The following ZNF557 variants were observed in gnomAD, a reference collection of about 807,000 sequenced individuals.
The protein encoded by ZNF557 is CTB-25J19.9.
In ZNF557, 19 loss-of-function variants were observed where a neutral mutation model predicts 21.2. The ratio of observed to expected loss-of-function variants is 0.90; its 90% CI spans 0.63 to 1.32. The LOEUF is 1.32. Among genes scored for constraint, ZNF557 ranks in the 40% most tolerant of loss-of-function variants. ZNF557 has a pLI of 0.00. For missense variants in ZNF557, 487 were observed against 519.8 expected, an observed-to-expected ratio of 0.94 and a Z score of 0.61; for synonymous variants, 207 against 194.8, an observed-to-expected ratio of 1.06 and a Z score of -0.52.
chr19:7,075,249 G>A (rs748954859), intron 3 of ZNF557, 144 bp downstream of exon 3: 18 of 1,156,094 alleles, frequency 1.6e-5, no homozygotes, highest in East Asian at 1.2e-4. Flanking sequence ...CTGATCGGGC[G>A]GCTCTTGGGA....
At chr19:7,078,381 C>G (rs1977626562) in intron 5 of ZNF557, among the ~76,000 whole-genome samples, 1 of 150,320 alleles carries the variant, frequency 6.7e-6, no homozygotes. Context: ...GATGTGTAGA[C>G]TTGTAATTTT....
At chr19:7,069,958 G>A (rs1432979918) in intron 1 of ZNF557, among the ~76,000 whole-genome samples, 185 bp downstream of exon 1, 1 of 152,232 alleles carries the variant, frequency 6.6e-6, no homozygotes, top group Non-Finnish European at 1.5e-5. Context: ...CCCTCACCCG[G>A]GGCGATTCTG....
chr19:7,071,973 G>A (rs753812376), intron 2 of ZNF557, among the ~76,000 whole-genome samples: 6 of 151,218 alleles, frequency 4.0e-5, no homozygotes, highest in African/African-American at 7.3e-5. Flanking sequence ...AAGATTACCC[G>A]GGCGTGGTGG....
rs199839153 is a variant in ZNF557, at chr19:7,075,104, C to T, written c.30C>T (p.Ala10=). The change falls in exon 3 of 8, where the codon GCC becomes GCT. Residue 10 remains alanine (A), a splice_region_variant and synonymous_variant. Transcript: ENST00000252840. The part of the protein sequence containing the change: MAAVVLPPT[A]ALSSLFPASQ... ...CGGCTGTCGTCCTGCCCCCAACTGCCGGTGAGTCATGGGGTCCTGGCAGTT... is the reference window on the plus strand; with the variant it reads ...CGGCTGTCGTCCTGCCCCCAACTGCTGGTGAGTCATGGGGTCCTGGCAGTT... 4.8e-4 allele frequency: 767 copies of T among 1,614,052 alleles called. 1 individual carries two copies. The highest frequency in any genetic ancestry group is 3.3e-4 in the Middle Eastern group (2 of 6,062).
chr19:7,080,716 T>G (rs1275291024), intron 5 of ZNF557, among the ~76,000 whole-genome samples: 1 of 152,110 alleles, frequency 6.6e-6, no homozygotes, highest in African/African-American at 2.4e-5. Flanking sequence ...GTCACAAATC[T>G]CTCTTACCCA....
At position 7,084,043 on chromosome 19, in the gene ZNF557, A is replaced by G. The variant is rs1977781014; in HGVS notation, c.*299A>G. Reference sequence around the variant, plus strand: ...CACTTCCAAATGGCTTACAAGCCCGACAAGTGCATGCTAGCTGTTTCCAAG... The same window carrying G: ...CACTTCCAAATGGCTTACAAGCCCGGCAAGTGCATGCTAGCTGTTTCCAAG... On this transcript the variant is annotated 3_prime_UTR_variant, in exon 8 of 8. Transcript: ENST00000252840. 3.1e-6 allele frequency: 1 copy of G among 320,088 alleles called. No individual in the cohort carries two copies. The highest frequency in any genetic ancestry group is 7.0e-5 in the East Asian group (1 of 14,360). 19.8% of individuals were successfully genotyped at this position (320,088 alleles called of 1,614,324 possible). A position where few individuals can be genotyped will look rare whatever the true frequency, so the allele number is the denominator to read the frequency against.
intron 3 of ZNF557, 41 bp from the exon 4 acceptor site, chr19:7,075,614 G>GGGCA: frequency 6.2e-7 from 1 of 1,600,890 alleles, no homozygotes; most frequent in Non-Finnish European, 8.5e-7. Context: ...AGTGGACACA[G>GGGCA]GGCAGGTGTG....
chr19:7,083,815 A>T lies in ZNF557; in HGVS notation c.*71A>T. ...GATAACATGAGCAAACTCTAACAAG[A>T]TGTATGAATCACCTGCTACTGTGTA... On this transcript the variant is annotated 3_prime_UTR_variant, in exon 8 of 8. Coordinates refer to ENST00000252840, the MANE Select transcript of ZNF557 (RefSeq NM_024341.3). 6.6e-7 allele frequency: 1 copy of T among 1,512,690 alleles called. No homozygotes were observed. Among genetic ancestry groups the T allele is most frequent in the Admixed American group, 2.1e-5 (1 of 46,592 alleles). The allele number at this position is 1,512,690 out of a possible 1,614,324, so 93.7% of individuals were successfully genotyped here.
In ZNF557 at chr19:7,082,873, A is replaced by G; in HGVS notation, c.427-5A>G. The G allele has an allele frequency of 6.4e-7, 1 of 1,555,960 alleles. No homozygotes were observed. The highest frequency in any genetic ancestry group is 8.7e-7 in the Non-Finnish European group (1 of 1,153,170). On this transcript the variant is annotated splice_region_variant and splice_polypyrimidine_tract_variant and intron_variant, in intron 7 of 7. Transcript: ENST00000252840. The stretch of plus-strand genomic sequence containing the variant: ...TGGTACTTATTGTCATCTCTTAATC[A>G]ATAGGAGAGGAATCATCTTGGAGCA...
intron 7 of ZNF557, 41 bp downstream of exon 7, chr19:7,082,093 G>A: frequency 6.6e-7 from 1 of 1,516,304 alleles, no homozygotes; most frequent in Non-Finnish European, 9.1e-7. Flanking sequence ...TTTCATGGTA[G>A]AATGCCCTAC....
chr19:7,081,634 T>C (rs910803222), intron 6 of ZNF557, among the ~76,000 whole-genome samples, 179 bp downstream of exon 6: 9 of 152,166 alleles, frequency 5.9e-5, no homozygotes, highest in African/African-American at 1.9e-4. Flanking sequence ...GACTTCCAAC[T>C]TTCTGTCATC....
intron 3 of ZNF557, 28 bp downstream of exon 3, chr19:7,075,133 A>T: frequency 6.2e-7 from 1 of 1,613,940 alleles, no homozygotes; most frequent in Non-Finnish European, 8.5e-7. Context: ...GGCAGTTCTC[A>T]GAGTCCAGGC....
intron 5 of ZNF557, 46 bp downstream of exon 5, chr19:7,076,553 CAGTCTT>C (rs1358594106): frequency 4.4e-6 from 7 of 1,583,134 alleles, no homozygotes; most frequent in African/African-American, 1.4e-5. Context: ...CTCAGGAAGT[CAGTCTT>C]TTTTTTCTTT....
At position 7,071,799 on chromosome 19, in the gene ZNF557, CAAAAAAA is replaced by C. The variant is rs71177147; in HGVS notation, c.-80+1165_-80+1171del. ...TGGGCAACAGAGCAAGACTGCATCT[CAAAAAAA>C]AAAAAAAAAAAAAAAAAAGCTGGGC... is the stretch of plus-strand genomic sequence containing the variant. On this transcript the variant is annotated intron_variant, in intron 2 of 7. Coordinates refer to ENST00000252840, the MANE Select transcript of ZNF557 (RefSeq NM_024341.3). Among the ~76,000 whole-genome samples the C allele has an allele frequency of 1.6e-4, 9 of 55,026 alleles. No individual in the cohort carries two copies. The East Asian group carries it at 2.4e-3, about 15-fold the overall frequency. 36.1% of individuals were successfully genotyped at this position (55,026 alleles called of 152,430 possible). A position where few individuals can be genotyped will look rare whatever the true frequency, so the allele number is the denominator to read the frequency against.
rs760033386 is a variant in ZNF557 at position 7,083,650 on chromosome 19, G to A, written c.1199G>A (p.Gly400Glu). The A allele has an allele frequency of 1.2e-6, 2 of 1,613,724 alleles. No individual in the cohort carries two copies. The highest frequency in any genetic ancestry group is 3.3e-5 in the Admixed American group (2 of 59,946). Residue 400 changes from glycine to glutamate, a missense_variant, in exon 8 of 8, where the codon GGA becomes GAA. Gly to Glu is a moderately conservative substitution (Grantham distance 98, BLOSUM62 -2). Coordinates refer to ENST00000252840, the MANE Select transcript of ZNF557 (RefSeq NM_024341.3). ...SVKKHMRTHT[G>E]KKPYECNYCG... Reference sequence around the variant, plus strand: ...AAGAAACACATGAGAACTCACACTGGAAAAAAACCCTATGAATGTAATTAT... The same window carrying A: ...AAGAAACACATGAGAACTCACACTGAAAAAAAACCCTATGAATGTAATTAT...
intron 2 of ZNF557, among the ~76,000 whole-genome samples, chr19:7,074,135 G>A (rs1350148485): frequency 6.6e-6 from 1 of 151,798 alleles, no homozygotes; most frequent in African/African-American, 2.4e-5. Flanking sequence ...CAAATAGCTG[G>A]GATTCCAGGT....
chr19:7,069,894 G>C (rs919040950), intron 1 of ZNF557, 121 bp downstream of exon 1: 6 of 152,406 alleles, frequency 3.9e-5, no homozygotes, highest in Admixed American at 3.9e-4. Flanking sequence ...TGTTTCCTCC[G>C]GTGTCCGGGC....
chr19:7,081,626 C>T (rs1977708363), intron 6 of ZNF557, among the ~76,000 whole-genome samples, 171 bp downstream of exon 6: 1 of 152,162 alleles, frequency 6.6e-6, no homozygotes, highest in South Asian at 2.1e-4. Flanking sequence ...ACCTTCATGA[C>T]TTCCAACTTT....
Position 7,083,862 on chromosome 19 carries a change from T to C in ZNF557, c.*118T>C. 8 of 1,371,016 alleles carry C rather than the reference T, an allele frequency of 5.8e-6. 1 individual carries two copies. The South Asian group carries it at 1.0e-4, about 17-fold the overall frequency. The allele number at this position is 1,371,016 out of a possible 1,614,324, so 84.9% of individuals were successfully genotyped here. On this transcript the variant is annotated 3_prime_UTR_variant, in exon 8 of 8. Coordinates refer to ENST00000252840, the MANE Select transcript of ZNF557 (RefSeq NM_024341.3). ...TGTAACAAATTACCCCCCAAAATTT[T>C]GTGGCTTCAAACAAAAACACTTGTT...
Sources: allele counts gnomAD v4.1 joint callset (sites outside exome capture counted in the v4.1 genomes callset), GRCh38; gene constraint gnomAD v4.1.1; transcripts MANE v1.5; gene names NCBI Gene and HGNC (gene_info 2026-07-23, HGNC 2026-07-21).